USP4: variants seen among roughly 807,000 people sequenced by gnomAD.
USP4 encodes the protein ubiquitin specific peptidase 4, also known as ubiquitin carboxyl-terminal hydrolase 4.
Under a neutral mutation model 118.2 loss-of-function variants are expected in USP4, and 72 were observed. The ratio of observed to expected loss-of-function variants is 0.61; its 90% CI spans 0.50 to 0.74. The LOEUF (loss-of-function observed/expected upper bound fraction) is 0.74. USP4 is among the 30% of genes least tolerant of loss of function. USP4 has a pLI of 0.00. For missense variants in USP4, 1,037 were observed against 1,185.7 expected, an observed-to-expected ratio of 0.87 and a Z score of 1.84; for synonymous variants, 415 against 440.4, an observed-to-expected ratio of 0.94 and a Z score of 0.72.
At chr3:49,337,820 G>A (rs1198084481) in intron 1 of USP4, among the ~76,000 whole-genome samples, 1 of 151,594 alleles carries the variant, frequency 6.6e-6, no homozygotes, top group African/African-American at 2.4e-5. Context: ...GGCTGAGTCA[G>A]GTGGATCACG....
At chr3:49,339,434 G>A (rs1490358704) in intron 1 of USP4, among the ~76,000 whole-genome samples, 2 of 152,130 alleles carry the variant, frequency 1.3e-5, no homozygotes, top group East Asian at 1.9e-4. Context: ...AAAATAATCG[G>A]GGTTCTCAGA....
In USP4 at chr3:49,284,479, C is replaced by T; in HGVS notation, c.2377G>A (p.Glu793Lys). The change falls in exon 18 of 22, where the codon GAG becomes AAG. Residue 793 changes from glutamate (E) to lysine (K), a missense_variant. By Grantham distance (56) the Glu-to-Lys change is moderately conservative. This residue lies in a region of USP4 where 522 missense variants were observed against 592.6 expected (regional missense o/e 0.88). Coordinates refer to ENST00000265560, the MANE Select transcript of USP4 (RefSeq NM_003363.4). Reference protein sequence around the residue: ...ELFTTMETLGEHDPWYCPNCK... With the variant: ...ELFTTMETLGKHDPWYCPNCK... ...GGAGCTGCGTACCAGGGGTCATGCT[C>T]CCCAAGGGTCTCCATGGTGGTGAAG... 2 of 1,613,854 alleles carry T rather than the reference C, an allele frequency of 1.2e-6. No individual in the cohort carries two copies. The highest frequency in any genetic ancestry group is 1.1e-5 in the South Asian group (1 of 91,060).
intron 15 of USP4, among the ~76,000 whole-genome samples, chr3:49,287,305 C>G (rs1416230629): frequency 1.3e-5 from 2 of 152,090 alleles, no homozygotes; most frequent in Non-Finnish European, 2.9e-5. Context: ...CAGGTGCGTG[C>G]TACCACACCC....
At position 49,311,559 on chromosome 3, in the gene USP4, T is replaced by C; in HGVS notation, c.791A>G (p.Asp264Gly). 1 of 1,613,938 alleles carries C rather than the reference T, an allele frequency of 6.2e-7. No homozygotes were observed. The highest frequency in any genetic ancestry group is 1.1e-5 in the South Asian group (1 of 91,086). ...SVSASLIANG[D>G]STSTCGMHSS... is the part of the protein sequence containing the mutation. ...GTGCATCCCACAGGTGCTAGTGCTA[T>C]CACCATTTGCAATGAGAGAGGCAGA... Residue 264 changes from aspartate (D) to glycine (G), a missense_variant, in exon 7 of 22, where the codon GAT (aspartate) becomes GGT (glycine). Coordinates refer to ENST00000265560, the MANE Select transcript of USP4 (RefSeq NM_003363.4).
rs2107759729 is a variant in USP4 at position 49,277,286 on chromosome 3, T to G, written c.*1007A>C. 1 of 1,260,346 alleles carries G rather than the reference T, an allele frequency of 7.9e-7. No individual in the cohort carries two copies. The allele number at this position is 1,260,346 out of a possible 1,614,324, so 78.1% of individuals were successfully genotyped here. A position where few individuals can be genotyped will look rare whatever the true frequency, so the allele number is the denominator to read the frequency against. On this transcript the variant is annotated 3_prime_UTR_variant, in exon 22 of 22. Transcript: ENST00000265560. The stretch of plus-strand genomic sequence containing the variant: ...ATTAGGTTGAAGGTCAGACAAAAAA[T>G]CCCGGACCCATACGTCCGGTTCCTT...
intron 12 of USP4, 150 bp downstream of exon 12, chr3:49,298,402 T>C (rs1177891479): frequency 8.0e-6 from 6 of 745,850 alleles, no homozygotes; most frequent in Admixed American, 1.9e-5. Flanking sequence ...ACAATGTGCA[T>C]AGTGAGTGAG....
chr3:49,281,739 A>C (rs1443610330), intron 19 of USP4, among the ~76,000 whole-genome samples: 1 of 149,556 alleles, frequency 6.7e-6, no homozygotes, highest in African/African-American at 2.5e-5. Context: ...AAGGCCGGGC[A>C]CAGTGGCTCA....
chr3:49,293,976 ATTTTT>A (rs531837818), intron 14 of USP4, among the ~76,000 whole-genome samples: 1 of 135,580 alleles, frequency 7.4e-6, no homozygotes. Context: ...GCACAAGTGC[ATTTTT>A]TTTTTTTTTT....
In USP4 at chr3:49,340,016, T is replaced by C. The variant is rs764142259; in HGVS notation, c.9A>G (p.Glu3=). 6.2e-7 allele frequency: 1 copy of C among 1,607,928 alleles called. No individual in the cohort carries two copies. Among genetic ancestry groups the C allele is most frequent in the Non-Finnish European group, 8.5e-7 (1 of 1,179,664 alleles). Residue 3 remains glutamate (E), a synonymous_variant, in exon 1 of 22, where the codon GAA becomes GAG. Transcript: ENST00000265560. The part of the protein sequence containing the change: MA[E]GGGCRERPDA... ...CCGGTCGCTCACGGCAGCCTCCACC[T>C]TCCGCCATCTCCTCCGCGGCCCCGG...
At position 49,286,223 on chromosome 3, in the gene USP4, G is replaced by A; in HGVS notation, c.2075C>T (p.Thr692Ile). The A allele has an allele frequency of 6.2e-7, 1 of 1,614,088 alleles. No homozygotes were observed. Among genetic ancestry groups the A allele is most frequent in the Admixed American group, 1.7e-5 (1 of 59,998 alleles). Residue 692 changes from threonine to isoleucine, a missense_variant, in exon 16 of 22, where the codon ACC becomes ATC. Thr to Ile is a moderately conservative substitution (Grantham distance 89, BLOSUM62 -1). Around this residue, in one of 3 missense-constraint regions of USP4, gnomAD observed 522 missense variants for 592.6 expected, o/e 0.88. Transcript: ENST00000265560. Reference protein sequence around the residue: ...EDEPGNDPSETTQKKIKGQPC... With the variant: ...EDEPGNDPSEITQKKIKGQPC... ...CTGGCCTTTGATCTTCTTTTGGGTG[G>A]TCTCACTGGGGTCATTTCCTGGCTC...
intron 10 of USP4, 149 bp downstream of exon 10, chr3:49,302,235 G>T: frequency 6.3e-6 from 4 of 631,240 alleles, no homozygotes; most frequent in Admixed American, 3.3e-5. Context: ...GCCCCTTTCT[G>T]ACCAGAGACC....
At chr3:49,314,667 T>C (rs983902008) in intron 6 of USP4, among the ~76,000 whole-genome samples, 6 of 152,130 alleles carry the variant, frequency 3.9e-5, no homozygotes, top group African/African-American at 1.4e-4. Context: ...TCAAGATATA[T>C]AGTATGGCAC....
intron 2 of USP4, among the ~76,000 whole-genome samples, chr3:49,330,779 G>A (rs2047609003): frequency 2.6e-5 from 4 of 151,548 alleles, no homozygotes; most frequent in Admixed American, 2.6e-4. Flanking sequence ...GAGAGGCCGA[G>A]ATGGGTGGAT....
At chr3:49,314,415 A>G (rs751804745) in intron 6 of USP4, among the ~76,000 whole-genome samples, 5 of 152,192 alleles carry the variant, frequency 3.3e-5, no homozygotes, top group Non-Finnish European at 5.9e-5. Context: ...CCAAGAACTC[A>G]AGCAGCTGCA....
intron 6 of USP4, chr3:49,312,036 T>C (rs2047387957): frequency 8.8e-6 from 3 of 342,540 alleles, no homozygotes; most frequent in Non-Finnish European, 1.3e-5. Flanking sequence ...CAAAAGAAAT[T>C]AGCCAGGTCG....
intron 1 of USP4, among the ~76,000 whole-genome samples, chr3:49,336,961 T>C (rs2047674438): frequency 6.6e-6 from 1 of 152,086 alleles, no homozygotes. Context: ...CCACTTCAGT[T>C]TTCCTTTAAG....
At chr3:49,310,172 G>T (rs898864251) in intron 8 of USP4, among the ~76,000 whole-genome samples, 1 of 151,412 alleles carries the variant, frequency 6.6e-6, no homozygotes, top group Admixed American at 6.6e-5. Context: ...TGATCCACCC[G>T]CCTCTGCCTC....
At chr3:49,285,304 GA>G (rs745971045) in intron 16 of USP4, among the ~76,000 whole-genome samples, 177 of 144,260 alleles carry the variant, frequency 1.2e-3, no homozygotes, top group African/African-American at 2.4e-3. Context: ...CTGACAGAAG[GA>G]AAAAAAAAAA....
intron 11 of USP4, 112 bp from the exon 12 acceptor site, chr3:49,298,747 G>A (rs2047234594): frequency 1.1e-6 from 1 of 907,836 alleles, no homozygotes. Context: ...AACAATGTAT[G>A]GTGAGGTCAG....
Sources: gnomAD v4.1 joint callset for allele counts (sites outside exome capture counted in the v4.1 genomes callset) on GRCh38, gnomAD v4.1.1 for gene constraint, gnomAD v4.1.1 regional missense constraint, MANE v1.5 for transcripts, NCBI Gene and HGNC (gene_info 2026-07-23, HGNC 2026-07-21) for gene names.